The following ST8SIA6 variants were observed in gnomAD, a reference collection of about 807,000 sequenced individuals.
ST8SIA6 encodes the protein ST8 alpha-N-acetyl-neuraminide alpha-2,8-sialyltransferase 6, also known as alpha-2,8-sialyltransferase 8F.
Under a neutral mutation model 33.6 loss-of-function variants are expected in ST8SIA6, and 39 were observed. That is an observed-to-expected ratio of 1.16 (90% confidence interval 0.90 to 1.52). The LOEUF is 1.52. ST8SIA6 is among the 40% of genes most tolerant of loss of function. The probability of loss-of-function intolerance (pLI) is 0.00; values close to 1 mark genes in which losing one functional copy is unlikely to be tolerated. For synonymous variants in ST8SIA6, 172 were observed against 167.2 expected, an observed-to-expected ratio of 1.03 and a Z score of -0.22; for missense variants, 441 against 443.8, an observed-to-expected ratio of 0.99 and a Z score of 0.06.
chr10:17,430,766 C>T (rs1390897303), intron 2 of ST8SIA6, among the ~76,000 whole-genome samples: 4 of 152,140 alleles, frequency 2.6e-5, no homozygotes, highest in Non-Finnish European at 4.4e-5. Flanking sequence ...TTGAGTTCCT[C>T]GTAGATTCTG....
chr10:17,319,923 G>C lies in ST8SIA6; in HGVS notation c.*955C>G, dbSNP rs1239527655. On this transcript the variant is annotated 3_prime_UTR_variant, in exon 8 of 8. Transcript: ENST00000377602. ...AATGGATTTAATTATCCCTGCTTCT[G>C]TTCCTTGTAGCACTTTATTCATAGC... 1 of 152,112 alleles carries C rather than the reference G, an allele frequency of 6.6e-6. No individual in the cohort carries two copies. The highest frequency in any genetic ancestry group is 6.6e-5 in the Admixed American group (1 of 15,256). The allele number at this position is 152,112 out of a possible 1,614,324, so 9.4% of individuals were successfully genotyped here. A position where few individuals can be genotyped will look rare whatever the true frequency, so the allele number is the denominator to read the frequency against.
intron 2 of ST8SIA6, among the ~76,000 whole-genome samples, chr10:17,397,680 G>A (rs556419414): frequency 6.6e-6 from 1 of 152,178 alleles, no homozygotes; most frequent in African/African-American, 2.4e-5. Flanking sequence ...ACCATTAATT[G>A]GTACACATTT....
chr10:17,330,810 T>C (rs951311487), intron 5 of ST8SIA6, among the ~76,000 whole-genome samples: 2 of 152,138 alleles, frequency 1.3e-5, no homozygotes, highest in African/African-American at 4.8e-5. Context: ...GCATTAAGGG[T>C]CGAGTTTCTC....
rs538735191 is a variant in ST8SIA6, at chr10:17,318,870, T to G, written c.*2008A>C. On this transcript the variant is annotated 3_prime_UTR_variant, in exon 8 of 8. Coordinates refer to ENST00000377602, the MANE Select transcript of ST8SIA6 (RefSeq NM_001004470.3). ...TATTTTAGAAAGTTCTAAGTAATGT[T>G]CTGTTTTGGAACAAAAGAACATTAT... The G allele has an allele frequency of 2.6e-6, 1 of 385,786 alleles. No individual in the cohort carries two copies. The highest frequency in any genetic ancestry group is 2.1e-5 in the African/African-American group (1 of 47,302). 23.9% of individuals were successfully genotyped at this position (385,786 alleles called of 1,614,324 possible). A position where few individuals can be genotyped will look rare whatever the true frequency, so the allele number is the denominator to read the frequency against.
chr10:17,402,148 CATTT>C (rs1219981071), intron 2 of ST8SIA6, among the ~76,000 whole-genome samples: 1 of 152,218 alleles, frequency 6.6e-6, no homozygotes, highest in Non-Finnish European at 1.5e-5. Context: ...CAAAAGAAGA[CATTT>C]ATGCAGCCAA....
At chr10:17,396,368 C>T (rs1294366138) in intron 2 of ST8SIA6, among the ~76,000 whole-genome samples, 1 of 152,178 alleles carries the variant, frequency 6.6e-6, no homozygotes, top group African/African-American at 2.4e-5. Context: ...TTTGTAGGGC[C>T]TTTTATATAC....
chr10:17,385,476 G>GA (rs113621006), intron 3 of ST8SIA6, among the ~76,000 whole-genome samples: 5,782 of 152,104 alleles, frequency 0.038, 137 homozygotes, highest in African/African-American at 0.062. Flanking sequence ...TCGGAAAAAG[G>GA]AGTCAGCAAA....
intron 4 of ST8SIA6, among the ~76,000 whole-genome samples, chr10:17,347,021 G>C (rs143667163): frequency 2.5e-4 from 38 of 152,278 alleles, no homozygotes; most frequent in African/African-American, 8.7e-4. Flanking sequence ...CCTCTTCTCT[G>C]GGACACCTCA....
intron 2 of ST8SIA6, among the ~76,000 whole-genome samples, chr10:17,440,862 T>C (rs1264786297): frequency 6.6e-6 from 1 of 152,200 alleles, no homozygotes; most frequent in Non-Finnish European, 1.5e-5. Context: ...TGATTAATGA[T>C]GTAGAACATT....
intron 2 of ST8SIA6, among the ~76,000 whole-genome samples, chr10:17,443,059 A>C (rs1366410010): frequency 1.3e-5 from 2 of 152,234 alleles, no homozygotes; most frequent in African/African-American, 2.4e-5. Flanking sequence ...TGGTATACCC[A>C]AAGTGAACAT....
intron 4 of ST8SIA6, 37 bp downstream of exon 4, chr10:17,359,477 A>G (rs751858839): frequency 4.1e-6 from 6 of 1,471,430 alleles, no homozygotes; most frequent in Non-Finnish European, 4.7e-6. Flanking sequence ...TGAACAAGAC[A>G]TTTTTAAAAT....
At chr10:17,325,036 TTATTA>T (rs949769578) in intron 6 of ST8SIA6, among the ~76,000 whole-genome samples, 2 of 142,840 alleles carry the variant, frequency 1.4e-5, no homozygotes, top group African/African-American at 5.1e-5. Flanking sequence ...ATAATTGTAT[TTATTA>T]TATGTATATA....
At chr10:17,354,935 G>A (rs976141800) in intron 4 of ST8SIA6, among the ~76,000 whole-genome samples, 1 of 152,106 alleles carries the variant, frequency 6.6e-6, no homozygotes. Context: ...TCATGTTTCC[G>A]GGTAAAAGCT....
intron 4 of ST8SIA6, among the ~76,000 whole-genome samples, chr10:17,333,715 A>ATTTTTT (rs1564405142): frequency 2.3e-4 from 8 of 35,410 alleles, no homozygotes; most frequent in African/African-American, 1.1e-3. Flanking sequence ...ATATATATAT[A>ATTTTTT]TATTTTTTTT....
chr10:17,438,738 C>A (rs915493774), intron 2 of ST8SIA6, among the ~76,000 whole-genome samples: 12 of 152,106 alleles, frequency 7.9e-5, no homozygotes, highest in Non-Finnish European at 1.3e-4. Flanking sequence ...CAGAAGATAA[C>A]AAAGAAAATC....
At chr10:17,405,638 C>T (rs1245208133) in intron 2 of ST8SIA6, among the ~76,000 whole-genome samples, 2 of 150,402 alleles carry the variant, frequency 1.3e-5, no homozygotes, top group African/African-American at 4.9e-5. Flanking sequence ...AATCCCAGCA[C>T]TTTGGGAGGC....
At chr10:17,390,004 T>A (rs1374432758) in intron 3 of ST8SIA6, among the ~76,000 whole-genome samples, 2 of 152,042 alleles carry the variant, frequency 1.3e-5, no homozygotes, top group African/African-American at 4.8e-5. Context: ...AAAATTAGTT[T>A]TAGAGTCAGG....
chr10:17,452,773 G>A (rs1479428485), intron 2 of ST8SIA6, among the ~76,000 whole-genome samples: 1 of 152,150 alleles, frequency 6.6e-6, no homozygotes, highest in Admixed American at 6.5e-5. Flanking sequence ...ACAATCCAAA[G>A]CAATGTTTTT....
chr10:17,426,268 A>G (rs1208722511), intron 2 of ST8SIA6, among the ~76,000 whole-genome samples: 1 of 152,110 alleles, frequency 6.6e-6, no homozygotes, highest in Non-Finnish European at 1.5e-5. Flanking sequence ...GCTGGGTGTC[A>G]TGTGTCTAGG....
Sources: gnomAD v4.1 joint callset for allele counts (sites outside exome capture counted in the v4.1 genomes callset) on GRCh38, gnomAD v4.1.1 for gene constraint, MANE v1.5 for transcripts, NCBI Gene and HGNC (gene_info 2026-07-23, HGNC 2026-07-21) for gene names.